The following FAP variants were observed in gnomAD, a reference collection of about 807,000 sequenced individuals.
FAP encodes prolyl endopeptidase FAP.
FAP carries 110 observed loss-of-function variants against 126.5 expected under a neutral mutation model. That is an observed-to-expected ratio of 0.87 (90% CI 0.74 to 1.02). The LOEUF (loss-of-function observed/expected upper bound fraction) is 1.02. Ranked by LOEUF, FAP falls within the 50% of genes least tolerant of loss-of-function variation. The pLI is 0.00. For synonymous variants in FAP, 334 were observed against 297.3 expected, an observed-to-expected ratio of 1.12 and a Z score of -1.27; for missense variants, 919 against 909.2, an observed-to-expected ratio of 1.01 and a Z score of -0.14.
Position 162,214,015 on chromosome 2 carries a change from G to C in FAP, c.925C>G (p.Leu309Val). 1.2e-6 allele frequency: 2 copies of C among 1,613,938 alleles called. No individual in the cohort carries two copies. Among genetic ancestry groups the C allele is most frequent in the Non-Finnish European group, 1.7e-6 (2 of 1,179,922 alleles). ...VTDERVCLQW[L>V]KRVQNVSVLS... ...ACCGAAACATTCTGGACTCTTTTTA[G>C]CCACTGCAAACATACTCGTTCATCA... is the stretch of plus-strand genomic sequence containing the variant. The change falls in exon 11 of 26, where the codon CTA (leucine) becomes GTA (valine). Residue 309 changes from leucine (L) to valine (V), a missense_variant. Coordinates refer to ENST00000188790, the MANE Select transcript of FAP (RefSeq NM_004460.5).
intron 2 of FAP, among the ~76,000 whole-genome samples, chr2:162,238,443 A>G (rs931182715): frequency 1.3e-5 from 2 of 152,190 alleles, no homozygotes; most frequent in Non-Finnish European, 2.9e-5. Context: ...TTTTTAAATT[A>G]TTTAGAATTT....
intron 16 of FAP, among the ~76,000 whole-genome samples, chr2:162,197,231 T>A (rs568366592): frequency 1.6e-3 from 251 of 152,304 alleles, no homozygotes; most frequent in Middle Eastern, 3.4e-3. Context: ...CCACAAACAT[T>A]GAATGTCTAT....
At chr2:162,189,022 G>T in intron 19 of FAP, 81 bp downstream of exon 19, 1 of 855,682 alleles carries the variant, frequency 1.2e-6, no homozygotes, top group Non-Finnish European at 1.9e-6. Flanking sequence ...AAGGAGAATG[G>T]TTCATTCTAT....
At chr2:162,219,803 G>T in intron 7 of FAP, 50 bp downstream of exon 7, 1 of 1,261,368 alleles carries the variant, frequency 7.9e-7, no homozygotes, top group African/African-American at 1.5e-5. Context: ...AAATCAAATG[G>T]CTCCTCTTTT....
intron 20 of FAP, among the ~76,000 whole-genome samples, chr2:162,187,749 A>T (rs1407812024): frequency 1.3e-5 from 2 of 152,090 alleles, no homozygotes; most frequent in African/African-American, 4.8e-5. Context: ...CCTAACATCT[A>T]AAAGTATGTA....
At position 162,198,746 on chromosome 2, in the gene FAP, C is replaced by T. The variant is rs773262567; in HGVS notation, c.1402+11G>A. 3.7e-6 allele frequency: 6 copies of T among 1,613,724 alleles called. No individual in the cohort carries two copies. The highest frequency in any genetic ancestry group is 4.2e-6 in the Non-Finnish European group (5 of 1,179,838). On this transcript the variant is annotated intron_variant, in intron 16 of 25. Coordinates refer to ENST00000188790, the MANE Select transcript of FAP (RefSeq NM_004460.5). ...TGGGGATGCTGTGCTTATGTGAGGT[C>T]CGTTACCTACCGTAGCAGACAAGTG...
rs922508798 is a variant in FAP, at chr2:162,194,737, G to A, written c.1414C>T (p.Pro472Ser). 2 of 1,613,588 alleles carry A rather than the reference G, an allele frequency of 1.2e-6. No individual in the cohort carries two copies. Among genetic ancestry groups the A allele is most frequent in the Non-Finnish European group, 1.7e-6 (2 of 1,179,656 alleles). Residue 472 changes from proline (P) to serine (S), a missense_variant, in exon 17 of 26, where the codon CCC (proline) becomes TCC (serine). Coordinates refer to ENST00000188790, the MANE Select transcript of FAP (RefSeq NM_004460.5). ...YALVCYGPGI[P>S]ISTLHDGRTD... The stretch of plus-strand genomic sequence containing the variant: ...CGTCCATCATGAAGGGTGGAAATGG[G>A]GATGCCTGGGCCTGTGGGCAGGATG...
At chr2:162,221,226 G>A (rs1407940663) in intron 6 of FAP, among the ~76,000 whole-genome samples, 1 of 152,188 alleles carries the variant, frequency 6.6e-6, no homozygotes, top group African/African-American at 2.4e-5. Context: ...ATGTTGAAAG[G>A]GATGCAAGAG....
intron 20 of FAP, among the ~76,000 whole-genome samples, chr2:162,185,479 T>C (rs1687835345): frequency 6.6e-6 from 1 of 152,140 alleles, no homozygotes; most frequent in South Asian, 2.1e-4. Context: ...GTCTCACATA[T>C]GTACCATTTG....
chr2:162,177,270 C>T (rs1001941722), intron 21 of FAP, among the ~76,000 whole-genome samples: 5 of 152,098 alleles, frequency 3.3e-5, no homozygotes, highest in African/African-American at 7.2e-5. Flanking sequence ...GGAGGGTTTA[C>T]GAAACACTCT....
At chr2:162,181,663 G>A (rs952479811) in intron 21 of FAP, among the ~76,000 whole-genome samples, 6 of 152,162 alleles carry the variant, frequency 3.9e-5, no homozygotes, top group Non-Finnish European at 8.8e-5. Flanking sequence ...ACAGCGAGTT[G>A]CATCTCTCTT....
At chr2:162,222,703 T>G (rs923843505) in intron 6 of FAP, among the ~76,000 whole-genome samples, 2 of 152,210 alleles carry the variant, frequency 1.3e-5, no homozygotes, top group African/African-American at 4.8e-5. Flanking sequence ...CATGTCATTT[T>G]CCATTTAAAA....
chr2:162,213,161 A>C (rs1300079440), intron 11 of FAP, among the ~76,000 whole-genome samples: 1 of 152,076 alleles, frequency 6.6e-6, no homozygotes, highest in Non-Finnish European at 1.5e-5. Flanking sequence ...GTGGATCATG[A>C]GGTCAAGAGA....
At chr2:162,176,541 T>A (rs1687493566) in intron 21 of FAP, 1 of 152,214 alleles carries the variant, frequency 6.6e-6, no homozygotes, top group Admixed American at 6.5e-5. Flanking sequence ...AACTTTCACT[T>A]ATAATTTAAA....
At chr2:162,196,048 C>T (rs886377717) in intron 16 of FAP, among the ~76,000 whole-genome samples, 4 of 152,128 alleles carry the variant, frequency 2.6e-5, no homozygotes, top group Non-Finnish European at 4.4e-5. Context: ...GCTTTTGATC[C>T]GTTCCTCAGT....
chr2:162,184,246 C>T (rs578025629), intron 20 of FAP, among the ~76,000 whole-genome samples: 1 of 152,016 alleles, frequency 6.6e-6, no homozygotes, highest in Non-Finnish European at 1.5e-5. Context: ...GAAACAGCAG[C>T]CGGAGTGGAA....
chr2:162,198,176 T>TA (rs1688333885), intron 16 of FAP: 1 of 1,287,600 alleles, frequency 7.8e-7, no homozygotes, highest in Non-Finnish European at 1.0e-6. Context: ...ATGCATTACT[T>TA]ACGATGTTTT....
Position 162,218,024 on chromosome 2 carries a change from C to A in FAP, c.724G>T (p.Glu242Ter). Residue 242 changes from glutamate (E) to a stop codon, truncating the protein, a stop_gained, in exon 9 of 26, where the codon GAA (glutamate) becomes TAA (stop). Coordinates refer to ENST00000188790, the MANE Select transcript of FAP (RefSeq NM_004460.5). LOFTEE classifies it high-confidence loss of function. ...ATATTTATTGTTCTAGGATATTGTTCATCGCCATAATAGGAATAGGCAATA... is the reference window on the plus strand; with the variant it reads ...ATATTTATTGTTCTAGGATATTGTTAATCGCCATAATAGGAATAGGCAATA... ...PVIAYSYYGD[E>*]QYPRTINIPY... The A allele has an allele frequency of 6.2e-7, 1 of 1,600,438 alleles. No individual in the cohort carries two copies. Among genetic ancestry groups the A allele is most frequent in the East Asian group, 2.3e-5 (1 of 43,980 alleles).
chr2:162,194,905 C>T (rs1468916), intron 16 of FAP, 157 bp from the exon 17 acceptor site: 669,226 of 669,656 alleles, frequency 1, 334,400 homozygotes, highest in Middle Eastern at 1. Context: ...AACATCACTT[C>T]TAAGTCACAT....
Sources: gnomAD v4.1 joint callset for allele counts (sites outside exome capture counted in the v4.1 genomes callset) on GRCh38, gnomAD v4.1.1 for gene constraint, MANE v1.5 for transcripts, NCBI Gene and HGNC (gene_info 2026-07-23, HGNC 2026-07-21) for gene names.